The following WASHC5 variants were observed in gnomAD, a reference collection of about 807,000 sequenced individuals.
WASHC5 encodes the protein WASH complex subunit 5.
In WASHC5, 101 loss-of-function variants were observed where a neutral mutation model predicts 150.4. That is an observed-to-expected ratio of 0.67 (90% CI 0.57 to 0.79). The LOEUF is 0.79. Among genes scored for constraint, WASHC5 ranks in the 30% least tolerant of loss-of-function variants. WASHC5 has a pLI of 0.00. For synonymous variants in WASHC5, 467 were observed against 491.2 expected (o/e 0.95, Z 0.65); for missense variants, 1,195 against 1,396.3 (o/e 0.86, Z 2.30).
intron 28 of WASHC5, among the ~76,000 whole-genome samples, chr8:125,025,583 G>C (rs1435978328): frequency 6.6e-6 from 1 of 152,090 alleles, no homozygotes; most frequent in African/African-American, 2.4e-5. Flanking sequence ...AGCTACTCAG[G>C]AGGCTGAGGC....
At chr8:125,028,088 A>G (rs1815421852) in intron 28 of WASHC5, among the ~76,000 whole-genome samples, 1 of 152,206 alleles carries the variant, frequency 6.6e-6, no homozygotes, top group South Asian at 2.1e-4. Context: ...TGAAAGTTGT[A>G]TTTTTCAGTA....
intron 17 of WASHC5, among the ~76,000 whole-genome samples, chr8:125,052,591 CATGT>C (rs1453321672): frequency 6.9e-6 from 1 of 145,806 alleles, no homozygotes; most frequent in Admixed American, 7.0e-5. Context: ...TAGTTGCATG[CATGT>C]ATATCACACA....
intron 9 of WASHC5, among the ~76,000 whole-genome samples, chr8:125,069,159 T>G (rs147408351): frequency 3.5e-4 from 54 of 152,150 alleles, no homozygotes; most frequent in Non-Finnish European, 6.5e-4. Context: ...ATCTTGGGAG[T>G]GGGTTAGTTA....
chr8:125,032,550 T>G (rs918912545), intron 26 of WASHC5, 156 bp from the exon 27 acceptor site: 10 of 848,692 alleles, frequency 1.2e-5, no homozygotes, highest in Non-Finnish European at 1.9e-5. Flanking sequence ...TATTTTGAAT[T>G]AGCCACAGGA....
intron 12 of WASHC5, among the ~76,000 whole-genome samples, chr8:125,060,322 A>C (rs1013517145): frequency 6.6e-6 from 1 of 152,084 alleles, no homozygotes; most frequent in African/African-American, 2.4e-5. Flanking sequence ...CCCCGTCTCT[A>C]CTAAAAATAC....
chr8:125,088,944 G>C (rs980601235), intron 1 of WASHC5, among the ~76,000 whole-genome samples: 3 of 152,198 alleles, frequency 2.0e-5, no homozygotes, highest in Admixed American at 1.3e-4. Context: ...GGCTGGAGCA[G>C]AGTCAGCTAG....
intron 28 of WASHC5, among the ~76,000 whole-genome samples, chr8:125,026,457 T>A (rs1418646405): frequency 6.6e-6 from 1 of 151,814 alleles, no homozygotes; most frequent in Non-Finnish European, 1.5e-5. Flanking sequence ...AATCTTTTTC[T>A]TTATAGTTTC....
chr8:125,034,511 A>G (rs10092712), intron 26 of WASHC5, among the ~76,000 whole-genome samples: 1 of 151,938 alleles, frequency 6.6e-6, no homozygotes, highest in Non-Finnish European at 1.5e-5. Flanking sequence ...TCAGAAAAAA[A>G]AAAAGAATGG....
At chr8:125,070,737 T>G (rs1478832829) in intron 9 of WASHC5, among the ~76,000 whole-genome samples, 1 of 152,250 alleles carries the variant, frequency 6.6e-6, no homozygotes, top group African/African-American at 2.4e-5. Context: ...TCAGCCATCG[T>G]GTTCATACTG....
rs116403488 is a variant in WASHC5, at chr8:125,041,758, T to G, written c.2851-1860A>C. Among the ~76,000 whole-genome samples, 279 of 152,316 alleles carry G rather than the reference T, an allele frequency of 1.8e-3. 1 individual carries two copies. The highest frequency in any genetic ancestry group is 6.1e-3 in the African/African-American group (255 of 41,566). ...TCAGATGTATTATTTTTGACCACTA[T>G]TCATACAAGACTATTACTCTATTTA... On this transcript the variant is annotated intron_variant, in intron 23 of 28. Transcript: ENST00000318410.
chr8:125,062,722 AT>A (rs1398998868), intron 11 of WASHC5, among the ~76,000 whole-genome samples: 1 of 152,262 alleles, frequency 6.6e-6, no homozygotes, highest in African/African-American at 2.4e-5. Flanking sequence ...CTGATTAAAA[AT>A]AATAGTTTTT....
chr8:125,027,689 G>A (rs1406861631), intron 28 of WASHC5, among the ~76,000 whole-genome samples: 1 of 152,164 alleles, frequency 6.6e-6, no homozygotes, highest in African/African-American at 2.4e-5. Context: ...GGTGATGGGT[G>A]CATCAAAATC....
chr8:125,030,277 G>T (rs1005528237), intron 27 of WASHC5, among the ~76,000 whole-genome samples: 1 of 152,180 alleles, frequency 6.6e-6, no homozygotes, highest in South Asian at 2.1e-4. Flanking sequence ...GGCCAGAGGC[G>T]CTGGGTTTTT....
chr8:125,066,381 G>T (rs953222658), intron 10 of WASHC5, among the ~76,000 whole-genome samples: 2 of 152,178 alleles, frequency 1.3e-5, no homozygotes, highest in African/African-American at 4.8e-5. Flanking sequence ...GCAAGATGAG[G>T]ATCTGTTCCG....
intron 23 of WASHC5, among the ~76,000 whole-genome samples, chr8:125,041,647 AAG>A (rs1815892352): frequency 6.6e-6 from 1 of 152,034 alleles, no homozygotes; most frequent in African/African-American, 2.4e-5. Flanking sequence ...TCAAAAAAAA[AAG>A]AAAAGGAGGG....
chr8:125,026,540 G>A (rs1016893355), intron 28 of WASHC5, among the ~76,000 whole-genome samples: 1 of 152,028 alleles, frequency 6.6e-6, no homozygotes, highest in African/African-American at 2.4e-5. Flanking sequence ...TAATTTATTT[G>A]TTTCATATTT....
intron 28 of WASHC5, among the ~76,000 whole-genome samples, chr8:125,025,609 A>C (rs1815356538): frequency 6.6e-6 from 1 of 152,132 alleles, no homozygotes; most frequent in Non-Finnish European, 1.5e-5. Context: ...AATCACTTGA[A>C]CCAGGGAGGC....
chr8:125,055,353 G>A (rs962196323), intron 17 of WASHC5, among the ~76,000 whole-genome samples: 3 of 152,120 alleles, frequency 2.0e-5, no homozygotes, highest in Non-Finnish European at 2.9e-5. Flanking sequence ...AACCCGGGAG[G>A]TGGAGGTTGC....
Position 125,063,610 on chromosome 8 carries a change from C to A in WASHC5, c.1320G>T (p.Glu440Asp). 1 of 1,613,822 alleles carries A rather than the reference C, an allele frequency of 6.2e-7. No individual in the cohort carries two copies. Among genetic ancestry groups the A allele is most frequent in the African/African-American group, 1.3e-5 (1 of 75,024 alleles). The change falls in exon 11 of 29, where the codon GAG becomes GAT. Residue 440 changes from glutamate (E) to aspartate (D), a missense_variant. Around this residue, in one of 3 missense-constraint regions of WASHC5, gnomAD observed 997 missense variants for 1,168.1 expected, o/e 0.85. Transcript: ENST00000318410. The part of the protein sequence containing the change: ...QMLSEKQTKW[E>D]HYKKEGSERM... ...GCTCCGAACCCTCTTTCTTGTAATG[C>A]TCCCATTTGGTTTGCTTTTCTGAAA...
Sources: gnomAD v4.1 joint callset for allele counts (sites outside exome capture counted in the v4.1 genomes callset) on GRCh38, gnomAD v4.1.1 for gene constraint, gnomAD v4.1.1 regional missense constraint, MANE v1.5 for transcripts, NCBI Gene and HGNC (gene_info 2026-07-23, HGNC 2026-07-21) for gene names.